The following TTC13 variants were observed in gnomAD, a reference collection of about 807,000 sequenced individuals.
TTC13 encodes the protein tetratricopeptide repeat protein 13.
In TTC13, 62 loss-of-function variants were observed where a neutral mutation model predicts 120.0. That is an observed-to-expected ratio of 0.52 (90% CI 0.42 to 0.64). The LOEUF (loss-of-function observed/expected upper bound fraction) is 0.64. Among genes scored for constraint, TTC13 ranks in the 30% least tolerant of loss-of-function variants. The pLI, the probability that TTC13 is intolerant of heterozygous loss-of-function variation, is 0.00. For missense variants in TTC13, 824 were observed against 1,050.2 expected, an observed-to-expected ratio of 0.78 and a Z score of 2.98; for synonymous variants, 384 against 393.5, an observed-to-expected ratio of 0.98 and a Z score of 0.28.
intron 18 of TTC13, 98 bp downstream of exon 18, chr1:230,916,095 G>T: frequency 1.1e-6 from 1 of 893,182 alleles, no homozygotes; most frequent in South Asian, 1.4e-5. Context: ...TCAGGATGGA[G>T]CAAAAGTTCA....
At chr1:230,911,655 T>C in intron 19 of TTC13, 106 bp from the exon 20 acceptor site, 2 of 615,472 alleles carry the variant, frequency 3.2e-6, no homozygotes, top group Non-Finnish European at 5.2e-6. Context: ...AGAGGATTGT[T>C]TTCTTCCTCC....
Position 230,923,942 on chromosome 1 carries a change from C to A in TTC13, c.1722-9G>T. On this transcript the variant is annotated splice_polypyrimidine_tract_variant and intron_variant, in intron 14 of 22. Coordinates refer to ENST00000366661, the MANE Select transcript of TTC13 (RefSeq NM_024525.5). Reference sequence around the variant, plus strand: ...GGTCTGGGTCAGCAATCCTATAAAACAGAGACCTTTATAAAACCAGAAGTG... The same window carrying A: ...GGTCTGGGTCAGCAATCCTATAAAAAAGAGACCTTTATAAAACCAGAAGTG... 6.2e-7 allele frequency: 1 copy of A among 1,606,644 alleles called. No individual in the cohort carries two copies. The highest frequency in any genetic ancestry group is 2.2e-5 in the East Asian group (1 of 44,756).
intron 17 of TTC13, among the ~76,000 whole-genome samples, chr1:230,918,868 T>C (rs1357439731): frequency 6.6e-6 from 1 of 152,180 alleles, no homozygotes; most frequent in Non-Finnish European, 1.5e-5. Context: ...TTTACATGAA[T>C]CAATCTCATC....
chr1:230,962,527 A>T (rs946571317), intron 1 of TTC13, among the ~76,000 whole-genome samples: 1 of 152,202 alleles, frequency 6.6e-6, no homozygotes, highest in African/African-American at 2.4e-5. Context: ...TACACCAGTT[A>T]TGGAAAATAG....
chr1:230,931,587 C>T, intron 10 of TTC13, 115 bp from the exon 11 acceptor site: 3 of 1,431,200 alleles, frequency 2.1e-6, no homozygotes, highest in Non-Finnish European at 2.9e-6. Context: ...GTAAACTAGT[C>T]TACAGGACAA....
At chr1:230,963,660 AAATAAAT>A (rs1676857830) in intron 1 of TTC13, among the ~76,000 whole-genome samples, 2 of 103,674 alleles carry the variant, frequency 1.9e-5, no homozygotes, top group African/African-American at 7.1e-5. Context: ...ATAAATAAAT[AAATAAAT>A]AAATAAAAGA....
chr1:230,937,297 G>A (rs961888935), intron 8 of TTC13, among the ~76,000 whole-genome samples: 6 of 152,036 alleles, frequency 3.9e-5, no homozygotes, highest in Non-Finnish European at 5.9e-5. Context: ...AAGTGAAACC[G>A]TTTGCATTTG....
rs142750328 is a variant in TTC13, at chr1:230,906,483, A to G, written c.*422T>C. ...TGGAGGTTACGTGAGTCAACAAAAG[A>G]TGCTCTATCACAATGTGCGTAAAAA... On this transcript the variant is annotated 3_prime_UTR_variant, in exon 23 of 23. Coordinates refer to ENST00000366661, the MANE Select transcript of TTC13 (RefSeq NM_024525.5). The G allele has an allele frequency of 6.6e-6, 1 of 152,608 alleles. No homozygotes were observed. Among genetic ancestry groups the G allele is most frequent in the East Asian group, 1.9e-4 (1 of 5,190 alleles). 9.5% of individuals were successfully genotyped at this position (152,608 alleles called of 1,614,324 possible).
At position 230,906,884 on chromosome 1, in the gene TTC13, T is replaced by C; in HGVS notation, c.*21A>G. ...GAAGCAAGAGGTCCGGCCCTTTACT[T>C]GTATAAATACAGCAGCAGAACTAGA... is the stretch of plus-strand genomic sequence containing the variant. On this transcript the variant is annotated 3_prime_UTR_variant, in exon 23 of 23. Coordinates refer to ENST00000366661, the MANE Select transcript of TTC13 (RefSeq NM_024525.5). The C allele has an allele frequency of 1.6e-6, 2 of 1,272,412 alleles. No homozygotes were observed. The highest frequency in any genetic ancestry group is 1.7e-5 in the South Asian group (1 of 58,030). The allele number at this position is 1,272,412 out of a possible 1,614,324, so 78.8% of individuals were successfully genotyped here.
At chr1:230,932,379 T>C (rs1024598352) in intron 9 of TTC13, among the ~76,000 whole-genome samples, 3 of 151,672 alleles carry the variant, frequency 2.0e-5, no homozygotes, top group Admixed American at 1.3e-4. Flanking sequence ...AAAAAAGAAG[T>C]GTATTTTAGA....
In TTC13 at chr1:230,906,959, C is replaced by G; in HGVS notation, c.2529G>C (p.Ser843=). Residue 843 remains serine (S), a synonymous_variant, in exon 23 of 23, where the codon TCG becomes TCC. Transcript: ENST00000366661. The stretch of plus-strand genomic sequence containing the variant: ...AGTCTGTGTTTAGCACCTCAATCAT[C>G]GATCTTAACGTTGGAAACGTTTCTG... The part of the protein sequence containing the change: ...SVSETFPTLR[S]MIEVLNTDSS... The G allele has an allele frequency of 6.5e-7, 1 of 1,542,862 alleles. No homozygotes were observed. The highest frequency in any genetic ancestry group is 1.4e-5 in the African/African-American group (1 of 69,842).
At chr1:230,917,338 C>G (rs1436207050) in intron 17 of TTC13, among the ~76,000 whole-genome samples, 4 of 152,158 alleles carry the variant, frequency 2.6e-5, no homozygotes, top group South Asian at 2.1e-4. Flanking sequence ...GAGTCCCAGC[C>G]AGCAGGGAAG....
intron 22 of TTC13, among the ~76,000 whole-genome samples, chr1:230,907,408 C>T (rs1349738431): frequency 3.3e-5 from 5 of 152,188 alleles, no homozygotes; most frequent in African/African-American, 4.8e-5. Flanking sequence ...GTTCTTAACT[C>T]GCAAAGTTAC....
intron 17 of TTC13, among the ~76,000 whole-genome samples, chr1:230,918,273 G>T (rs561412459): frequency 1.3e-5 from 2 of 152,292 alleles, no homozygotes; most frequent in Admixed American, 6.5e-5. Flanking sequence ...TACTAAGCTT[G>T]GTTTACCATT....
intron 8 of TTC13, among the ~76,000 whole-genome samples, chr1:230,934,971 A>G (rs1473320413): frequency 6.6e-6 from 1 of 152,186 alleles, no homozygotes; most frequent in Non-Finnish European, 1.5e-5. Context: ...CTGCACCTTG[A>G]TTTTCTCTGG....
At chr1:230,907,760 A>G (rs1426374223) in intron 22 of TTC13, among the ~76,000 whole-genome samples, 1 of 152,266 alleles carries the variant, frequency 6.6e-6, no homozygotes, top group Non-Finnish European at 1.5e-5. Context: ...GCTATGTCAA[A>G]TAGACGTGAA....
At chr1:230,952,808 C>T (rs1675712883) in intron 4 of TTC13, among the ~76,000 whole-genome samples, 1 of 152,032 alleles carries the variant, frequency 6.6e-6, no homozygotes. Context: ...AAAACAAATG[C>T]ATACTTTGAA....
intron 1 of TTC13, among the ~76,000 whole-genome samples, chr1:230,965,236 C>T (rs774010140): frequency 2.0e-5 from 3 of 152,026 alleles, no homozygotes. Flanking sequence ...CTCTGACAAG[C>T]GATTAGTAAC....
rs2103033557 is a variant in TTC13, at chr1:230,978,789, G to A, written c.42C>T (p.Gly14=). Residue 14 remains glycine, a synonymous_variant, in exon 1 of 23, where the codon GGC becomes GGT. Coordinates refer to ENST00000366661, the MANE Select transcript of TTC13 (RefSeq NM_024525.5). The surrounding 1 kb of genome is among the most constrained non-coding windows in gnomAD (Gnocchi z 5.6). ...CGGCGCCCGCGGCGGCCACAGCGCC[G>A]CCCCAGAAGCAGCAGCAGCAGCAGC... ...AGCCCCCCFW[G]GAVAAAGAAR... is the part of the protein sequence containing the mutation. 6.7e-7 allele frequency: 1 copy of A among 1,497,564 alleles called. No individual in the cohort carries two copies. Among genetic ancestry groups the A allele is most frequent in the Non-Finnish European group, 8.8e-7 (1 of 1,132,762 alleles). 92.8% of individuals were successfully genotyped at this position (1,497,564 alleles called of 1,614,324 possible). A position where few individuals can be genotyped will look rare whatever the true frequency, so the allele number is the denominator to read the frequency against.
Sources: gnomAD v4.1 joint callset for allele counts (sites outside exome capture counted in the v4.1 genomes callset) on GRCh38, gnomAD v4.1.1 for gene constraint, Gnocchi (gnomAD v3.1) non-coding constraint, MANE v1.5 for transcripts, NCBI Gene and HGNC (gene_info 2026-07-23, HGNC 2026-07-21) for gene names.